The following STAU2 variants were observed in gnomAD, a reference collection of about 807,000 sequenced individuals.
STAU2 encodes the protein staufen double-stranded RNA binding protein 2.
Under a neutral mutation model 65.9 loss-of-function variants are expected in STAU2, and 20 were observed. The observed-to-expected ratio is 0.30, with a 90% CI of 0.21 to 0.44. STAU2 has a LOEUF of 0.44. Among genes scored for constraint, STAU2 ranks in the 20% least tolerant of loss-of-function variants. The pLI, the probability that STAU2 is intolerant of heterozygous loss-of-function variation, is 1.00. For synonymous variants in STAU2, 232 were observed against 233.9 expected (o/e 0.99, Z 0.07); for missense variants, 558 against 683.9 (o/e 0.82, Z 2.05).
intron 3 of STAU2, among the ~76,000 whole-genome samples, chr8:73,730,882 C>T (rs552925331): frequency 6.6e-6 from 1 of 152,192 alleles, no homozygotes; most frequent in African/African-American, 2.4e-5. Flanking sequence ...CTATCCATTG[C>T]TAACGTCAAA....
At chr8:73,654,664 A>AAAAAAAAAAAAAAAAAAAC (rs1554556802) in intron 6 of STAU2, among the ~76,000 whole-genome samples, 2 of 122,986 alleles carry the variant, frequency 1.6e-5, no homozygotes, top group African/African-American at 3.0e-5. Context: ...AAAAAAAAGA[A>AAAAAAAAAAAAAAAAAAAC]CTCTTTTAAT....
At chr8:73,526,869 C>A (rs1478870227) in intron 13 of STAU2, among the ~76,000 whole-genome samples, 8 of 152,076 alleles carry the variant, frequency 5.3e-5, no homozygotes, top group Non-Finnish European at 1.2e-4. Flanking sequence ...AGAAATAAAC[C>A]TTTAAAAGTA....
At chr8:73,517,426 A>G (rs1198169664) in intron 13 of STAU2, among the ~76,000 whole-genome samples, 2 of 122,074 alleles carry the variant, frequency 1.6e-5, no homozygotes, top group Non-Finnish European at 3.5e-5. Flanking sequence ...TCTTGTCTCA[A>G]TAAATAAAAA....
At chr8:73,493,568 C>A (rs1821248959) in intron 13 of STAU2, among the ~76,000 whole-genome samples, 1 of 151,642 alleles carries the variant, frequency 6.6e-6, no homozygotes, top group Admixed American at 6.6e-5. Context: ...CAATTTAAAA[C>A]CCTAATGAGA....
At chr8:73,638,569 G>A (rs565830132) in intron 6 of STAU2, among the ~76,000 whole-genome samples, 9 of 148,080 alleles carry the variant, frequency 6.1e-5, no homozygotes, top group Non-Finnish European at 1.2e-4. Context: ...TTCACTGGCA[G>A]TCTAATAAAA....
chr8:73,460,582 A>G (rs900304562), intron 13 of STAU2, among the ~76,000 whole-genome samples: 1 of 152,148 alleles, frequency 6.6e-6, no homozygotes, highest in Non-Finnish European at 1.5e-5. Context: ...AGTGGCAGGG[A>G]TGACTTGTTC....
intron 10 of STAU2, among the ~76,000 whole-genome samples, chr8:73,600,173 A>G (rs1293298021): frequency 6.6e-6 from 1 of 152,226 alleles, no homozygotes; most frequent in Non-Finnish European, 1.5e-5. Flanking sequence ...ACAATGTACA[A>G]ATGATATAAA....
At chr8:73,651,668 G>C in intron 6 of STAU2, 1 of 503,058 alleles carries the variant, frequency 2.0e-6, no homozygotes, top group South Asian at 1.9e-5. Context: ...TGGGCCTGCT[G>C]CTGTGGGCAG....
intron 13 of STAU2, among the ~76,000 whole-genome samples, chr8:73,478,983 T>C (rs1337512456): frequency 6.6e-6 from 1 of 152,114 alleles, no homozygotes; most frequent in Non-Finnish European, 1.5e-5. Context: ...TAAAAATGTA[T>C]TACATATCAT....
At chr8:73,568,501 G>T (rs1409663983) in intron 12 of STAU2, among the ~76,000 whole-genome samples, 1 of 152,126 alleles carries the variant, frequency 6.6e-6, no homozygotes, top group Non-Finnish European at 1.5e-5. Flanking sequence ...TACTTGAAAG[G>T]CTGAGGCAAG....
intron 12 of STAU2, among the ~76,000 whole-genome samples, chr8:73,575,120 C>T (rs1586039500): frequency 1.8e-5 from 1 of 56,958 alleles, no homozygotes; most frequent in African/African-American, 6.7e-5. Flanking sequence ...GCACACAGTC[C>T]TACCAAGTAA....
At chr8:73,429,465 C>T (rs1347948875) in intron 13 of STAU2, among the ~76,000 whole-genome samples, 1 of 107,854 alleles carries the variant, frequency 9.3e-6, no homozygotes, top group Non-Finnish European at 1.8e-5. Context: ...CAAAGTCTCA[C>T]TCTGTTGCTC....
intron 13 of STAU2, among the ~76,000 whole-genome samples, chr8:73,423,503 T>C (rs1429033469): frequency 6.6e-6 from 1 of 152,176 alleles, no homozygotes; most frequent in African/African-American, 2.4e-5. Context: ...TGAGTGAGAT[T>C]GGAAGGGCTC....
At chr8:73,444,801 T>C (rs1383321252) in intron 13 of STAU2, among the ~76,000 whole-genome samples, 1 of 152,216 alleles carries the variant, frequency 6.6e-6, no homozygotes, top group Non-Finnish European at 1.5e-5. Context: ...GTTTTAATAT[T>C]GCCAAGAAAT....
intron 12 of STAU2, among the ~76,000 whole-genome samples, chr8:73,562,125 A>T (rs1230746230): frequency 6.6e-6 from 1 of 152,240 alleles, no homozygotes; most frequent in Non-Finnish European, 1.5e-5. Context: ...AAGATATTGA[A>T]CTTCATTTCT....
chr8:73,421,498 G>T, intron 14 of STAU2, 33 bp from the exon 15 acceptor site: 2 of 1,533,126 alleles, frequency 1.3e-6, no homozygotes, highest in Non-Finnish European at 1.7e-6. Context: ...AGAGCTGAAG[G>T]CCTGGGGTTG....
chr8:73,441,007 C>T (rs1324017286), intron 13 of STAU2: 2 of 152,210 alleles, frequency 1.3e-5, no homozygotes, highest in Non-Finnish European at 2.9e-5. Flanking sequence ...TTTCCTTAGA[C>T]AGGAGACACC....
At chr8:73,430,395 AGCGGCTGCCTCCCT>A (rs1817175809) in intron 13 of STAU2, among the ~76,000 whole-genome samples, 1 of 152,182 alleles carries the variant, frequency 6.6e-6, no homozygotes, top group African/African-American at 2.4e-5. Context: ...GAACCCTCAG[AGCGGCTGCCTCCCT>A]GCTCACCATG....
chr8:73,639,847 A>G (rs936376584), intron 6 of STAU2, among the ~76,000 whole-genome samples: 1 of 152,148 alleles, frequency 6.6e-6, no homozygotes, highest in African/African-American at 2.4e-5. Context: ...AACCCTCTTA[A>G]GAACCAATAA....
Sources: allele counts gnomAD v4.1 joint callset (sites outside exome capture counted in the v4.1 genomes callset), GRCh38; gene constraint gnomAD v4.1.1; transcripts MANE v1.5; gene names NCBI Gene and HGNC (gene_info 2026-07-23, HGNC 2026-07-21).